The following PROSER2 variants were observed in gnomAD, a reference collection of about 807,000 sequenced individuals.
PROSER2 encodes proline and serine rich 2.
A neutral mutation model predicts 14.6 loss-of-function variants in PROSER2; 18 were observed. The observed-to-expected ratio is 1.23, with a 90% CI of 0.85 to 1.83. The LOEUF (loss-of-function observed/expected upper bound fraction) is 1.83, where lower values mean the gene tolerates loss of function less well. Ranked by LOEUF, PROSER2 falls within the 40% of genes most tolerant of loss-of-function variation. PROSER2 has a pLI of 0.00. For missense variants in PROSER2, 823 were observed against 629.8 expected, an observed-to-expected ratio of 1.31 and a Z score of -3.28; for synonymous variants, 367 against 286.4, an observed-to-expected ratio of 1.28 and a Z score of -2.84.
At chr10:11,845,673 C>T (rs1217701320) in intron 1 of PROSER2, among the ~76,000 whole-genome samples, 2 of 151,812 alleles carry the variant, frequency 1.3e-5, no homozygotes, top group Non-Finnish European at 2.9e-5. Context: ...GCTGTGGAAC[C>T]CGGGGAGGGA....
In PROSER2 at chr10:11,869,476, C is replaced by T. The variant is rs753222519; in HGVS notation, c.392-14C>T. The T allele has an allele frequency of 1.7e-5, 27 of 1,606,480 alleles. No homozygotes were observed. The highest frequency in any genetic ancestry group is 1.2e-4 in the African/African-American group (9 of 74,852). The stretch of plus-strand genomic sequence containing the variant: ...GTGGGCCGGTGGCTCACAGGCTCCT[C>T]CCTTGTCTTCCAGGGCCTGCACCTG... On this transcript the variant is annotated splice_polypyrimidine_tract_variant and intron_variant, in intron 3 of 3. Coordinates refer to ENST00000277570, the MANE Select transcript of PROSER2 (RefSeq NM_153256.4). The surrounding 1 kb of genome is among the most constrained non-coding windows in gnomAD (Gnocchi z 4.4).
intron 1 of PROSER2, 28 bp from the exon 2 acceptor site, chr10:11,851,969 C>T: frequency 2.5e-6 from 3 of 1,199,642 alleles, no homozygotes; most frequent in South Asian, 4.4e-5. Context: ...GCTTACTGAC[C>T]ATTGTCATTC....
intron 3 of PROSER2, among the ~76,000 whole-genome samples, chr10:11,868,453 G>A (rs976699947): frequency 4.0e-5 from 6 of 151,098 alleles, no homozygotes; most frequent in Admixed American, 1.3e-4. Flanking sequence ...ATTTTTTTTT[G>A]TAGTGATGGG....
chr10:11,829,835 ATTTTTT>A (rs5783232), intron 1 of PROSER2, among the ~76,000 whole-genome samples: 12 of 66,276 alleles, frequency 1.8e-4, no homozygotes, highest in African/African-American at 3.1e-4. Context: ...TTTACTTCTG[ATTTTTT>A]TTTTTTTTTT....
chr10:11,864,134 T>G (rs1014024920), intron 2 of PROSER2, among the ~76,000 whole-genome samples: 2 of 152,196 alleles, frequency 1.3e-5, no homozygotes. Flanking sequence ...ATTGAAGACC[T>G]TGCATGACTT....
In PROSER2 at chr10:11,870,113, C is replaced by G. The variant is rs1237787971; in HGVS notation, c.1015C>G (p.Pro339Ala). The G allele has an allele frequency of 3.0e-6, 4 of 1,349,752 alleles. No individual in the cohort carries two copies. Among genetic ancestry groups the G allele is most frequent in the Non-Finnish European group, 3.8e-6 (4 of 1,055,206 alleles). 83.6% of individuals were successfully genotyped at this position (1,349,752 alleles called of 1,614,324 possible). Residue 339 changes from proline to alanine, a missense_variant, in exon 4 of 4, where the codon CCG becomes GCG. Coordinates refer to ENST00000277570, the MANE Select transcript of PROSER2 (RefSeq NM_153256.4). ...GGCAGGGGGTCAGGCTCCGCGGGGC[C>G]CGGCGCTGGCCAACGGCTTCCCAAG... The part of the protein sequence containing the change: ...LRAGGQAPRG[P>A]ALANGFPSAH...
intron 1 of PROSER2, 108 bp from the exon 2 acceptor site, chr10:11,851,889 A>G (rs1417847890): frequency 8.3e-6 from 4 of 481,948 alleles, no homozygotes; most frequent in South Asian, 7.7e-5. Context: ...CTTTACCCTA[A>G]TGGTCGAGTC....
At chr10:11,864,399 A>T (rs1265621294) in intron 2 of PROSER2, among the ~76,000 whole-genome samples, 1 of 152,148 alleles carries the variant, frequency 6.6e-6, no homozygotes, top group Non-Finnish European at 1.5e-5. Flanking sequence ...ACCAATTTTT[A>T]AATTTTTTCC....
At chr10:11,853,739 T>C (rs747153048) in intron 2 of PROSER2, among the ~76,000 whole-genome samples, 3 of 152,162 alleles carry the variant, frequency 2.0e-5, no homozygotes, top group Admixed American at 6.5e-5. Context: ...CGTTTCTCCG[T>C]AGACGTTTAA....
At chr10:11,839,434 A>T (rs185009350) in intron 1 of PROSER2, among the ~76,000 whole-genome samples, 24 of 152,382 alleles carry the variant, frequency 1.6e-4, no homozygotes, top group Non-Finnish European at 2.2e-4. Context: ...TGCAATTTAT[A>T]TCAAGCGATT....
At position 11,869,706 on chromosome 10, in the gene PROSER2, A is replaced by G. The variant is rs766418642; in HGVS notation, c.608A>G (p.Glu203Gly). Residue 203 changes from glutamate (E) to glycine (G), a missense_variant, in exon 4 of 4, where the codon GAG (glutamate) becomes GGG (glycine). Transcript: ENST00000277570. The surrounding 1 kb of genome is among the most constrained non-coding windows in gnomAD (Gnocchi z 4.4). ...CTCGTTATGGCGCAGAAGATTTCCG[A>G]GAGGATGGCGGGGAACGAAGCCCTC... ...TPLVMAQKIS[E>G]RMAGNEALSP... is the part of the protein sequence containing the mutation. The G allele has an allele frequency of 3.8e-6, 6 of 1,596,008 alleles. No individual in the cohort carries two copies. Among genetic ancestry groups the G allele is most frequent in the Non-Finnish European group, 4.3e-6 (5 of 1,172,114 alleles).
At chr10:11,832,330 G>GT (rs1020218712) in intron 1 of PROSER2, among the ~76,000 whole-genome samples, 1 of 152,106 alleles carries the variant, frequency 6.6e-6, no homozygotes, top group Non-Finnish European at 1.5e-5. Flanking sequence ...TCTTTCCAAG[G>GT]TTTTTTTCTT....
At chr10:11,834,551 C>G (rs573378162) in intron 1 of PROSER2, among the ~76,000 whole-genome samples, 44 of 149,336 alleles carry the variant, frequency 2.9e-4, no homozygotes, top group African/African-American at 1.0e-3. Flanking sequence ...CCTGGCCAAC[C>G]TGGTGAAACC....
In PROSER2 at chr10:11,862,598, G is replaced by C. The variant is rs1395368138; in HGVS notation, c.139-3933G>C. Among the ~76,000 whole-genome samples the C allele has an allele frequency of 1.3e-5, 2 of 152,182 alleles. No homozygotes were observed. Among genetic ancestry groups the C allele is most frequent in the African/African-American group, 2.4e-5 (1 of 41,440 alleles). On this transcript the variant is annotated intron_variant, in intron 2 of 3. Coordinates refer to ENST00000277570, the MANE Select transcript of PROSER2 (RefSeq NM_153256.4). This position sits in a 1 kb window ranked among gnomAD's most constrained non-coding sequence, Gnocchi z 4.2. Reference sequence around the variant, plus strand: ...AGTTCCAGCCACTGGGGAGGCTGAGGTGGGAGGATCACTTGAGCTGGGGAG... The same window carrying C: ...AGTTCCAGCCACTGGGGAGGCTGAGCTGGGAGGATCACTTGAGCTGGGGAG...
intron 1 of PROSER2, among the ~76,000 whole-genome samples, chr10:11,842,863 A>G (rs72768229): frequency 0.12 from 15,593 of 134,460 alleles, 1,064 homozygotes; most frequent in Non-Finnish European, 0.16. Flanking sequence ...GAATGTGTGT[A>G]TTTTTCAGCC....
rs1035654724 is a variant in PROSER2 at position 11,862,528 on chromosome 10, C to T, written c.139-4003C>T. Among the ~76,000 whole-genome samples the T allele has an allele frequency of 6.6e-6, 1 of 152,048 alleles. No homozygotes were observed. The highest frequency in any genetic ancestry group is 2.4e-5 in the African/African-American group (1 of 41,384). On this transcript the variant is annotated intron_variant, in intron 2 of 3. Transcript: ENST00000277570. The surrounding 1 kb of genome is among the most constrained non-coding windows in gnomAD (Gnocchi z 4.2). ...GCCATGTAGCAAGACTTTGTCTCTA[C>T]AAAAAATATATAAAAATTAGCTGGG...
intron 1 of PROSER2, among the ~76,000 whole-genome samples, chr10:11,825,310 A>G (rs1037932401): frequency 2.0e-5 from 3 of 152,238 alleles, no homozygotes; most frequent in Admixed American, 6.5e-5. Context: ...CCGGTGGCAC[A>G]GAGGCCATTC....
At chr10:11,868,940 C>T (rs147398224) in intron 3 of PROSER2, among the ~76,000 whole-genome samples, 140 of 152,328 alleles carry the variant, frequency 9.2e-4, no homozygotes, top group Non-Finnish European at 1.6e-3. Context: ...TGCGAGCCAC[C>T]GCGCCCGGCC....
chr10:11,861,894 G>C (rs934333134), intron 2 of PROSER2, among the ~76,000 whole-genome samples: 5 of 152,142 alleles, frequency 3.3e-5, no homozygotes, highest in Admixed American at 3.3e-4. Context: ...GAAGACATAG[G>C]GCAGAAAACG....
Sources: gnomAD v4.1 joint callset for allele counts (sites outside exome capture counted in the v4.1 genomes callset) on GRCh38, gnomAD v4.1.1 for gene constraint, Gnocchi (gnomAD v3.1) non-coding constraint, MANE v1.5 for transcripts, NCBI Gene and HGNC (gene_info 2026-07-23, HGNC 2026-07-21) for gene names.